Variants in RPS6KC1 observed in about 807,000 individuals in gnomAD.
RPS6KC1 encodes the protein ribosomal protein S6 kinase C1, also known as inactive ribosomal protein S6 kinase delta-1.
In RPS6KC1, 54 loss-of-function variants were observed where a neutral mutation model predicts 103.8. The observed-to-expected ratio is 0.52, with a 90% confidence interval of 0.42 to 0.65. The LOEUF is 0.65. Ranked by LOEUF, RPS6KC1 falls within the 30% of genes least tolerant of loss-of-function variation. The pLI is 0.00. For missense variants in RPS6KC1, 1,151 were observed against 1,253.8 expected (o/e 0.92, Z 1.24); for synonymous variants, 439 against 438.7 (o/e 1.00, Z -0.01).
At chr1:213,649,130 A>T in the RPS6KC1 span, among the ~76,000 whole-genome samples, 1 of 151,910 alleles carries the variant, frequency 6.6e-6, no homozygotes, top group African/African-American at 2.4e-5. Flanking sequence ...TCTTGCTCCC[A>T]TCCCTTTCCA....
At chr1:213,217,413 A>G (rs1002999805) in intron 8 of RPS6KC1, among the ~76,000 whole-genome samples, 1 of 152,186 alleles carries the variant, frequency 6.6e-6, no homozygotes, top group African/African-American at 2.4e-5. Flanking sequence ...CCAGGACCAG[A>G]TGGATTCACA....
the RPS6KC1 span, among the ~76,000 whole-genome samples, chr1:213,626,081 T>C: frequency 6.6e-6 from 1 of 152,246 alleles, no homozygotes; most frequent in Non-Finnish European, 1.5e-5. Flanking sequence ...CCACATCCTC[T>C]CCAGCATCTG....
intron 6 of RPS6KC1, among the ~76,000 whole-genome samples, chr1:213,166,367 A>G (rs1334228711): frequency 6.6e-6 from 1 of 152,214 alleles, no homozygotes; most frequent in Non-Finnish European, 1.5e-5. Flanking sequence ...TTGTGTAGAA[A>G]TAGCAAATAG....
the RPS6KC1 span, among the ~76,000 whole-genome samples, chr1:213,434,614 C>T: frequency 3.3e-4 from 50 of 152,128 alleles, no homozygotes; most frequent in Admixed American, 1.2e-3. Context: ...TGCCTCCACA[C>T]CCAGCTAATT....
At chr1:213,634,611 C>A in the RPS6KC1 span, among the ~76,000 whole-genome samples, 1 of 152,166 alleles carries the variant, frequency 6.6e-6, no homozygotes, top group Non-Finnish European at 1.5e-5. Flanking sequence ...GCTCTAAATG[C>A]CCATAAGAGA....
the RPS6KC1 span, among the ~76,000 whole-genome samples, chr1:213,293,241 C>T: frequency 2.0e-5 from 3 of 152,188 alleles, no homozygotes; most frequent in Middle Eastern, 3.2e-3. Flanking sequence ...AACACCTCAA[C>T]TTTTTGTACT....
chr1:213,691,636 A>C, the RPS6KC1 span, among the ~76,000 whole-genome samples: 1 of 152,198 alleles, frequency 6.6e-6, no homozygotes, highest in Non-Finnish European at 1.5e-5. Context: ...CTGGGAGCCC[A>C]CATTAAATTA....
the RPS6KC1 span, among the ~76,000 whole-genome samples, chr1:213,652,910 G>A: frequency 6.6e-6 from 1 of 152,200 alleles, no homozygotes; most frequent in African/African-American, 2.4e-5. Context: ...GAGCCATGAA[G>A]TTTTGAGAAG....
chr1:213,596,482 G>A, the RPS6KC1 span, among the ~76,000 whole-genome samples: 2 of 152,216 alleles, frequency 1.3e-5, no homozygotes, highest in Non-Finnish European at 2.9e-5. Flanking sequence ...AAAAGCACTG[G>A]TTTTACATGG....
At chr1:213,344,187 C>A in the RPS6KC1 span, among the ~76,000 whole-genome samples, 1 of 152,120 alleles carries the variant, frequency 6.6e-6, no homozygotes, top group Admixed American at 6.5e-5. Flanking sequence ...GAACAAATCC[C>A]AGTCTGCCAG....
At chr1:213,205,637 A>G (rs921855918) in intron 8 of RPS6KC1, among the ~76,000 whole-genome samples, 1 of 147,802 alleles carries the variant, frequency 6.8e-6, no homozygotes, top group South Asian at 2.1e-4. Context: ...ATAATTAATG[A>G]TATCATCTTA....
intron 8 of RPS6KC1, among the ~76,000 whole-genome samples, chr1:213,218,194 A>G (rs904415990): frequency 2.0e-5 from 3 of 152,188 alleles, no homozygotes; most frequent in African/African-American, 7.2e-5. Context: ...TACAAAATCA[A>G]TGTGCAAAAA....
chr1:213,704,833 C>A, the RPS6KC1 span, among the ~76,000 whole-genome samples: 30 of 152,234 alleles, frequency 2.0e-4, no homozygotes, highest in Non-Finnish European at 4.1e-4. Flanking sequence ...CTTTAGGGGG[C>A]ACCCCAAGCT....
the RPS6KC1 span, among the ~76,000 whole-genome samples, chr1:213,651,327 G>C: frequency 6.6e-6 from 1 of 152,304 alleles, no homozygotes; most frequent in Non-Finnish European, 1.5e-5. Flanking sequence ...AGGAGATGTG[G>C]TCCCTAGAAA....
the RPS6KC1 span, among the ~76,000 whole-genome samples, chr1:213,279,846 C>G: frequency 1.3e-5 from 2 of 152,102 alleles, no homozygotes; most frequent in African/African-American, 4.8e-5. Context: ...TTAGGATTAC[C>G]TGAGAATTAG....
chr1:213,372,252 C>T, the RPS6KC1 span, among the ~76,000 whole-genome samples: 1 of 152,318 alleles, frequency 6.6e-6, no homozygotes, highest in Admixed American at 6.5e-5. Context: ...CTCCAGCCCA[C>T]CTTCTAACAG....
intron 10 of RPS6KC1, among the ~76,000 whole-genome samples, chr1:213,236,781 G>C (rs891573576): frequency 1.3e-5 from 2 of 152,084 alleles, no homozygotes; most frequent in Non-Finnish European, 2.9e-5. Context: ...AAAAGTCTCT[G>C]ACTGTGGATA....
chr1:213,174,836 C>T (rs1419264050), intron 7 of RPS6KC1, among the ~76,000 whole-genome samples: 1 of 151,938 alleles, frequency 6.6e-6, no homozygotes, highest in African/African-American at 2.4e-5. Flanking sequence ...TGGTACCTAG[C>T]TCAGCACCTC....
At chr1:213,698,399 G>T in the RPS6KC1 span, among the ~76,000 whole-genome samples, 4 of 152,076 alleles carry the variant, frequency 2.6e-5, no homozygotes, top group Admixed American at 1.3e-4. Context: ...ACTTAAAATG[G>T]TTATGAAATT....
Sources: allele counts gnomAD v4.1 joint callset (sites outside exome capture counted in the v4.1 genomes callset), GRCh38; gene constraint gnomAD v4.1.1; transcripts MANE v1.5; gene names NCBI Gene and HGNC (gene_info 2026-07-23, HGNC 2026-07-21).